Variants in RBM20 observed in about 807,000 individuals in gnomAD.
The protein encoded by RBM20 is RNA-binding protein 20.
A neutral mutation model predicts 110.1 loss-of-function variants in RBM20; 51 were observed. The ratio of observed to expected loss-of-function variants is 0.46; its 90% confidence interval spans 0.37 to 0.59. The LOEUF is 0.59. Ranked by LOEUF, RBM20 falls within the 20% of genes least tolerant of loss-of-function variation. RBM20 has a pLI of 0.00. For missense variants in RBM20, 1,512 were observed against 1,574.9 expected (o/e 0.96, Z 0.68); for synonymous variants, 589 against 618.2 (o/e 0.95, Z 0.70).
chr10:110,708,491 C>G (rs1037227265), intron 1 of RBM20, among the ~76,000 whole-genome samples: 11 of 151,994 alleles, frequency 7.2e-5, no homozygotes, highest in African/African-American at 2.7e-4. Context: ...TTGTTTCATA[C>G]AGTATAAAGC....
chr10:110,772,121 G>C (rs1844201714), intron 1 of RBM20, among the ~76,000 whole-genome samples: 1 of 152,074 alleles, frequency 6.6e-6, no homozygotes, highest in Admixed American at 6.6e-5. Context: ...GCCCATTGTG[G>C]ATTTTCTTAA....
chr10:110,646,239 A>G (rs1261331226), intron 1 of RBM20, among the ~76,000 whole-genome samples: 3 of 152,234 alleles, frequency 2.0e-5, no homozygotes, highest in African/African-American at 7.2e-5. Flanking sequence ...CTTTATATTC[A>G]CAGAAAAGTC....
intron 1 of RBM20, among the ~76,000 whole-genome samples, chr10:110,763,181 G>A (rs1434085009): frequency 6.6e-6 from 1 of 152,164 alleles, no homozygotes; most frequent in Non-Finnish European, 1.5e-5. Flanking sequence ...AAACAGGCTG[G>A]TCAAACATAT....
At chr10:110,651,949 T>C (rs1861955702) in intron 1 of RBM20, among the ~76,000 whole-genome samples, 1 of 152,234 alleles carries the variant, frequency 6.6e-6, no homozygotes, top group Admixed American at 6.5e-5. Flanking sequence ...TTTAACCTTC[T>C]GCATAAAAAG....
chr10:110,823,699 T>C (rs1474467570), intron 12 of RBM20, 85 bp downstream of exon 12: 15 of 1,440,170 alleles, frequency 1.0e-5, no homozygotes, highest in East Asian at 2.5e-5. Flanking sequence ...AGAGAGCTTT[T>C]TGGCATTTTG....
At chr10:110,802,037 C>G (rs2135083432) in intron 7 of RBM20, among the ~76,000 whole-genome samples, 1 of 152,240 alleles carries the variant, frequency 6.6e-6, no homozygotes, top group South Asian at 2.1e-4. Flanking sequence ...AGCACGTAGT[C>G]TATTTGGATT....
chr10:110,813,894 A>C (rs1844807679), intron 9 of RBM20, among the ~76,000 whole-genome samples: 1 of 151,218 alleles, frequency 6.6e-6, no homozygotes, highest in Non-Finnish European at 1.5e-5. Context: ...TGGCATCTGA[A>C]AGGTCTGAGG....
At chr10:110,668,432 G>A (rs966912640) in intron 1 of RBM20, among the ~76,000 whole-genome samples, 3 of 152,134 alleles carry the variant, frequency 2.0e-5, no homozygotes, top group Non-Finnish European at 2.9e-5. Flanking sequence ...TTTGTGATGC[G>A]TAAAGTCTCC....
intron 1 of RBM20, among the ~76,000 whole-genome samples, chr10:110,761,737 C>A (rs1844006860): frequency 6.6e-6 from 1 of 152,216 alleles, no homozygotes; most frequent in Non-Finnish European, 1.5e-5. Flanking sequence ...GCCACTATAC[C>A]ACCCGCTGCA....
At chr10:110,737,180 A>AAAAAAAAAAAAAAAAAAAAAAC (rs1564830162) in intron 1 of RBM20, among the ~76,000 whole-genome samples, 1 of 134,634 alleles carries the variant, frequency 7.4e-6, no homozygotes, top group African/African-American at 2.8e-5. Context: ...TCTGCCTCAA[A>AAAAAAAAAAAAAAAAAAAAAAC]AAAAAAAAAA....
At chr10:110,777,853 T>G (rs1337415219) in intron 1 of RBM20, among the ~76,000 whole-genome samples, 1 of 152,218 alleles carries the variant, frequency 6.6e-6, no homozygotes, top group Non-Finnish European at 1.5e-5. Flanking sequence ...GAAACCAACT[T>G]GGCACCTCAT....
At chr10:110,740,098 AGGCCAG>A (rs1843710157) in intron 1 of RBM20, among the ~76,000 whole-genome samples, 2 of 152,380 alleles carry the variant, frequency 1.3e-5, no homozygotes, top group African/African-American at 4.8e-5. Flanking sequence ...TTCATTGTCA[AGGCCAG>A]GGCCAGGGCA....
chr10:110,654,342 T>C (rs555098250), intron 1 of RBM20, among the ~76,000 whole-genome samples: 8 of 152,356 alleles, frequency 5.3e-5, no homozygotes, highest in African/African-American at 1.7e-4. Flanking sequence ...CCTGACTTCA[T>C]AGGACTTGAT....
chr10:110,812,084 C>T (rs1331982291), intron 8 of RBM20, among the ~76,000 whole-genome samples, 194 bp from the exon 9 acceptor site: 2 of 152,182 alleles, frequency 1.3e-5, no homozygotes, highest in Non-Finnish European at 2.9e-5. Context: ...TAGGAGAAGT[C>T]CTCTGCACGG....
chr10:110,764,595 C>T (rs1471342102), intron 1 of RBM20, among the ~76,000 whole-genome samples: 1 of 152,272 alleles, frequency 6.6e-6, no homozygotes, highest in African/African-American at 2.4e-5. Flanking sequence ...TGCTCAGGCA[C>T]TGCTCTTTCT....
chr10:110,656,438 T>C (rs1230452289), intron 1 of RBM20, among the ~76,000 whole-genome samples: 1 of 151,930 alleles, frequency 6.6e-6, no homozygotes, highest in Non-Finnish European at 1.5e-5. Flanking sequence ...CCTAGAATTT[T>C]ATACAAATGA....
In RBM20 at chr10:110,784,792, AT is replaced by A; in HGVS notation, c.1432del (p.Tyr478MetfsTer74). On this transcript the variant is annotated frameshift_variant and splice_region_variant, in exon 5 of 14. Transcript: ENST00000369519. LOFTEE classifies it high-confidence loss of function. Reference protein sequence around the residue: ...TAVYNPAGNEDYASNLGTSYV... With the variant: ...TAVYNPAGNEXYASNLGTSYV... Reference sequence around the variant, plus strand: ...TGACTTTGTGTAATTCATCATTTAGATTATGCCTCAAATCTTGGAACATCAT... The same window carrying A: ...TGACTTTGTGTAATTCATCATTTAGATATGCCTCAAATCTTGGAACATCAT... The A allele has an allele frequency of 2.6e-6, 4 of 1,539,162 alleles. No individual in the cohort carries two copies. The highest frequency in any genetic ancestry group is 3.5e-6 in the Non-Finnish European group (4 of 1,135,568).
At chr10:110,818,309 CA>C (rs1466741507) in intron 9 of RBM20, among the ~76,000 whole-genome samples, 1 of 119,784 alleles carries the variant, frequency 8.3e-6, no homozygotes, top group African/African-American at 3.0e-5. Flanking sequence ...AAAAAAAAAC[CA>C]AAACGACAAT....
chr10:110,807,632 T>G (rs1237459525), intron 7 of RBM20, among the ~76,000 whole-genome samples: 1 of 152,220 alleles, frequency 6.6e-6, no homozygotes, highest in African/African-American at 2.4e-5. Flanking sequence ...CACTCTGCCA[T>G]GGGTAATCTG....
Sources: allele counts gnomAD v4.1 joint callset (sites outside exome capture counted in the v4.1 genomes callset), GRCh38; gene constraint gnomAD v4.1.1; transcripts MANE v1.5; gene names NCBI Gene and HGNC (gene_info 2026-07-23, HGNC 2026-07-21).